The following DDHD1 variants were observed in gnomAD, a reference collection of about 807,000 sequenced individuals.
DDHD1 encodes phospholipase DDHD1.
Under a neutral mutation model 96.4 loss-of-function variants are expected in DDHD1, and 49 were observed. The observed-to-expected ratio is 0.51, with a 90% CI of 0.40 to 0.64. The LOEUF is 0.64. Among genes scored for constraint, DDHD1 ranks in the 30% least tolerant of loss-of-function variants. The pLI, the probability that DDHD1 is intolerant of heterozygous loss-of-function variation, is 0.00. For missense variants in DDHD1, 1,106 were observed against 1,161.2 expected (o/e 0.95, Z 0.69); for synonymous variants, 442 against 446.5 (o/e 0.99, Z 0.13).
chr14:53,068,738 G>C (rs1884260168), intron 6 of DDHD1, among the ~76,000 whole-genome samples: 1 of 152,182 alleles, frequency 6.6e-6, no homozygotes, highest in Non-Finnish European at 1.5e-5. Flanking sequence ...GGTACTGCTT[G>C]ATTTCTCCAG....
intron 2 of DDHD1, among the ~76,000 whole-genome samples, chr14:53,097,705 C>T (rs1029792871): frequency 2.6e-5 from 4 of 151,776 alleles, no homozygotes; most frequent in South Asian, 4.2e-4. Flanking sequence ...TAAACGAGAA[C>T]GAAATGGGAA....
At chr14:53,078,317 T>C (rs560465644) in intron 4 of DDHD1, among the ~76,000 whole-genome samples, 1 of 152,294 alleles carries the variant, frequency 6.6e-6, no homozygotes, top group East Asian at 1.9e-4. Flanking sequence ...GTTATCCTAG[T>C]GGGTATAAAG....
intron 1 of DDHD1, among the ~76,000 whole-genome samples, chr14:53,150,516 C>T (rs981499794): frequency 1.3e-5 from 2 of 152,156 alleles, no homozygotes; most frequent in Non-Finnish European, 2.9e-5. Context: ...CAGTGAAGTA[C>T]CACGCAGGCA....
chr14:53,047,118 T>A (rs1882080503), intron 12 of DDHD1, among the ~76,000 whole-genome samples, 169 bp from the exon 13 acceptor site: 2 of 152,138 alleles, frequency 1.3e-5, no homozygotes, highest in South Asian at 4.1e-4. Flanking sequence ...CAAAAGAGCC[T>A]CAGTAGTACA....
In DDHD1 at chr14:53,093,337, G is replaced by T. The variant is rs143813159; in HGVS notation, c.1120C>A (p.Gln374Lys). 283 of 1,610,172 alleles carry T rather than the reference G, an allele frequency of 1.8e-4. No homozygotes were observed. The highest frequency in any genetic ancestry group is 2.2e-4 in the Non-Finnish European group (264 of 1,179,000). ...TTACCTTTAGAAAATCCCAGTTTTT[G>T]GGTAACTGTTCTTGCAATTTTAGAT... Reference protein sequence around the residue: ...TTSKIARTVTQKLGFSKASSS... With the variant: ...TTSKIARTVTKKLGFSKASSS... Residue 374 changes from glutamine to lysine, a missense_variant, in exon 3 of 13, where the codon CAA (glutamine) becomes AAA (lysine). Transcript: ENST00000673822.
chr14:53,127,998 G>A (rs1003157879), intron 1 of DDHD1, among the ~76,000 whole-genome samples: 9 of 152,144 alleles, frequency 5.9e-5, no homozygotes, highest in African/African-American at 1.7e-4. Context: ...CAGAACACGC[G>A]GGTGGTTGCC....
At chr14:53,103,929 A>G in intron 1 of DDHD1, 73 bp from the exon 2 acceptor site, 1 of 1,387,558 alleles carries the variant, frequency 7.2e-7, no homozygotes, top group South Asian at 1.5e-5. Context: ...AGTATCTACA[A>G]TCTTATATTT....
intron 1 of DDHD1, among the ~76,000 whole-genome samples, chr14:53,140,674 G>C (rs1193092798): frequency 6.6e-6 from 1 of 152,170 alleles, no homozygotes; most frequent in African/African-American, 2.4e-5. Flanking sequence ...AGAGAAGAAA[G>C]GGAATGAAGA....
chr14:53,062,486 A>T (rs1230484845), intron 7 of DDHD1, among the ~76,000 whole-genome samples: 1 of 152,072 alleles, frequency 6.6e-6, no homozygotes, highest in Non-Finnish European at 1.5e-5. Context: ...ATTATATAAC[A>T]CATATAATTA....
At chr14:53,149,339 T>A (rs1254169756) in intron 1 of DDHD1, among the ~76,000 whole-genome samples, 1 of 152,060 alleles carries the variant, frequency 6.6e-6, no homozygotes, top group African/African-American at 2.4e-5. Flanking sequence ...TTACTGGACA[T>A]TTTTTTTCAA....
intron 6 of DDHD1, among the ~76,000 whole-genome samples, chr14:53,072,379 A>C (rs1884581422): frequency 6.6e-6 from 1 of 152,062 alleles, no homozygotes; most frequent in Non-Finnish European, 1.5e-5. Context: ...TCAAAGAACT[A>C]TTTTCTAAAC....
intron 4 of DDHD1, among the ~76,000 whole-genome samples, chr14:53,085,434 T>C (rs1885866168): frequency 6.6e-6 from 1 of 152,226 alleles, no homozygotes; most frequent in African/African-American, 2.4e-5. Context: ...AGAGGAATGA[T>C]CAGACAGCAA....
chr14:53,114,511 C>G (rs907612309), intron 1 of DDHD1, among the ~76,000 whole-genome samples: 1 of 152,180 alleles, frequency 6.6e-6, no homozygotes, highest in Admixed American at 6.5e-5. Context: ...AGGCCAGTGC[C>G]CCTCTGGGAC....
chr14:53,089,105 C>A (rs1886221991), intron 4 of DDHD1, among the ~76,000 whole-genome samples: 1 of 152,138 alleles, frequency 6.6e-6, no homozygotes, highest in South Asian at 2.1e-4. Context: ...ATCCAACTTA[C>A]AAGGGATGTG....
chr14:53,103,043 TC>T, intron 2 of DDHD1: 1 of 1,568,840 alleles, frequency 6.4e-7, no homozygotes, highest in Non-Finnish European at 8.7e-7. Context: ...GAATAGTTGA[TC>T]CCACTGCCTG....
intron 1 of DDHD1, among the ~76,000 whole-genome samples, chr14:53,113,364 T>A (rs1888265139): frequency 7.2e-6 from 1 of 139,474 alleles, no homozygotes; most frequent in Non-Finnish European, 1.5e-5. Context: ...TTTTTTCTTT[T>A]TAAAAAAAAA....
rs534395173 is a variant in DDHD1, at chr14:53,061,190, A to G, written c.1778T>C (p.Ile593Thr). 14 of 1,610,846 alleles carry G rather than the reference A, an allele frequency of 8.7e-6. No homozygotes were observed. Among genetic ancestry groups the G allele is most frequent in the Admixed American group, 8.5e-5 (5 of 59,016 alleles). Residue 593 changes from isoleucine (I) to threonine (T), a missense_variant, in exon 8 of 13, where the codon ATA becomes ACA. By Grantham distance (89) the Ile-to-Thr change is moderately conservative. This residue lies in a region of DDHD1 where 650 missense variants were observed against 758.8 expected (regional missense o/e 0.86). Transcript: ENST00000673822. ...LYITKRRLKE[I>T]EERLHGLKAS... The stretch of plus-strand genomic sequence containing the variant: ...TTTCAATCCGTGAAGCCGTTCTTCT[A>G]TTTCCTTCAGCCTAAGAAGGGGTAT...
chr14:53,085,362 C>T (rs150502739), intron 4 of DDHD1, among the ~76,000 whole-genome samples: 1 of 152,196 alleles, frequency 6.6e-6, no homozygotes, highest in Admixed American at 6.5e-5. Context: ...CTGGGAGACA[C>T]CTCCCAGTAG....
intron 6 of DDHD1, among the ~76,000 whole-genome samples, chr14:53,064,884 C>A (rs2139878733): frequency 1.3e-5 from 2 of 152,206 alleles, no homozygotes; most frequent in Middle Eastern, 6.8e-3. Context: ...AGGAGAAATT[C>A]ATTTCTATGT....
Sources: allele counts gnomAD v4.1 joint callset (sites outside exome capture counted in the v4.1 genomes callset), GRCh38; gene constraint gnomAD v4.1.1; regional missense constraint gnomAD v4.1.1; transcripts MANE v1.5; gene names NCBI Gene and HGNC (gene_info 2026-07-23, HGNC 2026-07-21).